PAK2: variants seen among roughly 807,000 people sequenced by gnomAD.
PAK2 encodes serine/threonine-protein kinase PAK 2.
In PAK2, 21 loss-of-function variants were observed where a neutral mutation model predicts 65.9. The observed-to-expected ratio is 0.32, with a 90% confidence interval of 0.23 to 0.46. The LOEUF is 0.46. Among genes scored for constraint, PAK2 ranks in the 20% least tolerant of loss-of-function variants. The probability of loss-of-function intolerance (pLI) is 1.00; values close to 1 mark genes in which losing one functional copy is unlikely to be tolerated. For synonymous variants in PAK2, 204 were observed against 219.7 expected (o/e 0.93, Z 0.63); for missense variants, 324 against 642.6 (o/e 0.50, Z 5.36).
chr3:196,826,480 T>TTTTG (rs1711880463), intron 13 of PAK2, among the ~76,000 whole-genome samples: 3 of 152,110 alleles, frequency 2.0e-5, no homozygotes, highest in African/African-American at 7.2e-5. Context: ...CCTTGGTTTT[T>TTTTG]TTTTGTTTTG....
chr3:196,754,021 T>G (rs1713692658), intron 1 of PAK2, among the ~76,000 whole-genome samples: 1 of 152,170 alleles, frequency 6.6e-6, no homozygotes, highest in African/African-American at 2.4e-5. Context: ...AAGTTTGCCC[T>G]TTTTTACCAC....
At chr3:196,776,923 C>T (rs1410518860) in intron 1 of PAK2, among the ~76,000 whole-genome samples, 1 of 152,152 alleles carries the variant, frequency 6.6e-6, no homozygotes, top group Non-Finnish European at 1.5e-5. Flanking sequence ...TTAAAATGCT[C>T]CTCCGTTTTC....
At chr3:196,790,237 G>A (rs1362356171) in intron 2 of PAK2, among the ~76,000 whole-genome samples, 1 of 152,162 alleles carries the variant, frequency 6.6e-6, no homozygotes, top group African/African-American at 2.4e-5. Flanking sequence ...AGTCTAAAAG[G>A]TAGTGCCCTA....
intron 13 of PAK2, 40 bp from the exon 14 acceptor site, chr3:196,827,156 A>T: frequency 6.9e-7 from 1 of 1,443,846 alleles, no homozygotes; most frequent in Non-Finnish European, 9.5e-7. Flanking sequence ...GACCGTGTTG[A>T]GCTATCTTAA....
chr3:196,777,325 G>A (rs1035547603), intron 1 of PAK2, among the ~76,000 whole-genome samples: 4 of 151,818 alleles, frequency 2.6e-5, no homozygotes, highest in Non-Finnish European at 4.4e-5. Flanking sequence ...TGCCTCAGCC[G>A]CCCGAGTAGC....
intron 1 of PAK2, among the ~76,000 whole-genome samples, chr3:196,768,356 A>G (rs748313010): frequency 1.3e-5 from 2 of 151,778 alleles, no homozygotes; most frequent in Non-Finnish European, 2.9e-5. Context: ...TTTGTATATT[A>G]GTTTTCTGTT....
At chr3:196,825,198 TAGTC>T (rs969183844) in intron 13 of PAK2, among the ~76,000 whole-genome samples, 6 of 150,206 alleles carry the variant, frequency 4.0e-5, no homozygotes, top group African/African-American at 1.5e-4. Context: ...ATACAAAAAT[TAGTC>T]AGGCGTAATG....
intron 10 of PAK2, among the ~76,000 whole-genome samples, chr3:196,814,084 T>G (rs1715916241): frequency 1.3e-5 from 2 of 152,200 alleles, no homozygotes; most frequent in African/African-American, 4.8e-5. Context: ...ATATTCTGGT[T>G]CTGTCACTTC....
At chr3:196,758,310 T>A (rs1252609576) in intron 1 of PAK2, among the ~76,000 whole-genome samples, 1 of 152,266 alleles carries the variant, frequency 6.6e-6, no homozygotes, top group Non-Finnish European at 1.5e-5. Flanking sequence ...AGAGGTTTCC[T>A]GAGAGAATGA....
At chr3:196,805,412 T>G in intron 5 of PAK2, 29 bp downstream of exon 5, 1 of 1,134,938 alleles carries the variant, frequency 8.8e-7, no homozygotes, top group Non-Finnish European at 1.3e-6. Context: ...TTCTTGTATC[T>G]CTTGTTCTAA....
At chr3:196,753,062 TC>T (rs1180233750) in intron 1 of PAK2, among the ~76,000 whole-genome samples, 1 of 150,686 alleles carries the variant, frequency 6.6e-6, no homozygotes, top group African/African-American at 2.4e-5. Flanking sequence ...CACTGCAACT[TC>T]CGCCTCCCGA....
In PAK2 at chr3:196,760,864, TTA is replaced by T. The variant is rs569437802; in HGVS notation, c.-22+20709_-22+20710del. Among the ~76,000 whole-genome samples, 394 of 152,272 alleles carry T rather than the reference TTA, an allele frequency of 2.6e-3. 1 individual carries two copies. Among genetic ancestry groups the T allele is most frequent in the Non-Finnish European group, 3.7e-3 (252 of 68,014 alleles). ...TGTTGGTGCCTCCGTGTTAAAAGCA[TTA>T]TGTTAGATAGTGTCAGATAGGTACA... On this transcript the variant is annotated intron_variant, in intron 1 of 14. Transcript: ENST00000327134.
At chr3:196,754,527 C>CT (rs1314369937) in intron 1 of PAK2, among the ~76,000 whole-genome samples, 14 of 152,294 alleles carry the variant, frequency 9.2e-5, no homozygotes, top group Admixed American at 9.2e-4. Flanking sequence ...GTAGTAGGAT[C>CT]TTACCCTACC....
chr3:196,811,197 T>TCCTCACTTC (rs1553808464), intron 8 of PAK2, among the ~76,000 whole-genome samples: 5 of 8,544 alleles, frequency 5.9e-4, no homozygotes, highest in African/African-American at 1.6e-3. Context: ...ATGAATTCCT[T>TCCTCACTTC]CCTCCCTTCC....
At position 196,792,804 on chromosome 3, in the gene PAK2, A is replaced by AAT. The variant is rs202214351; in HGVS notation, c.188-9111_188-9110dup. Among the ~76,000 whole-genome samples, 636 of 150,838 alleles carry AAT rather than the reference A, an allele frequency of 4.2e-3. 7 individuals are homozygous for AAT. The highest frequency in any genetic ancestry group is 0.032 in the South Asian group (151 of 4,788). ...AGACCCAACTAAAATGACAGAAAAAAATATATATATATACACACACACACA... is the reference window on the plus strand; with the variant it reads ...AGACCCAACTAAAATGACAGAAAAAAATATATATATATATACACACACACACA... On this transcript the variant is annotated intron_variant, in intron 2 of 14. Coordinates refer to ENST00000327134, the MANE Select transcript of PAK2 (RefSeq NM_002577.4).
chr3:196,765,133 C>T (rs1445251059), intron 1 of PAK2, among the ~76,000 whole-genome samples: 5 of 145,826 alleles, frequency 3.4e-5, no homozygotes, highest in Admixed American at 7.1e-5. Flanking sequence ...CATGAGCCAC[C>T]GTGCCCGGCC....
At chr3:196,821,259 G>A (rs999432028) in intron 13 of PAK2, among the ~76,000 whole-genome samples, 3 of 151,962 alleles carry the variant, frequency 2.0e-5, no homozygotes, top group Non-Finnish European at 4.4e-5. Context: ...CCCAGGAGGT[G>A]GCAGTTGCGG....
chr3:196,751,659 A>AC (rs1713587377), intron 1 of PAK2, among the ~76,000 whole-genome samples: 1 of 45,636 alleles, frequency 2.2e-5, no homozygotes, highest in Non-Finnish European at 4.5e-5. Flanking sequence ...AAAAACACAC[A>AC]AATTTATTTA....
In PAK2 at chr3:196,781,024, G is replaced by A. The variant is rs1242927236; in HGVS notation, c.-21-1602G>A. Among the ~76,000 whole-genome samples the A allele has an allele frequency of 2.6e-5, 4 of 152,204 alleles. 1 individual carries two copies. The highest frequency in any genetic ancestry group is 4.1e-4 in the South Asian group (2 of 4,822). ...AGGATGGTCTCGATCTCCTGACCTC[G>A]TGATCCACCCGCCTCGGCCTCCCAA... On this transcript the variant is annotated intron_variant, in intron 1 of 14. Transcript: ENST00000327134.
Sources: allele counts gnomAD v4.1 joint callset (sites outside exome capture counted in the v4.1 genomes callset), GRCh38; gene constraint gnomAD v4.1.1; transcripts MANE v1.5; gene names NCBI Gene and HGNC (gene_info 2026-07-23, HGNC 2026-07-21).